Variants in TRAPPC10 observed in about 807,000 individuals in gnomAD.
TRAPPC10 encodes TRAPP 130 kDa subunit.
A neutral mutation model predicts 125.5 loss-of-function variants in TRAPPC10; 23 were observed. The ratio of observed to expected loss-of-function variants is 0.18; its 90% CI spans 0.13 to 0.26. The LOEUF is 0.26. Among genes scored for constraint, TRAPPC10 ranks in the 10% least tolerant of loss-of-function variants. TRAPPC10 has a pLI of 1.00. For synonymous variants in TRAPPC10, 509 were observed against 518.0 expected (o/e 0.98, Z 0.24); for missense variants, 1,123 against 1,308.4 (o/e 0.86, Z 2.19).
intron 1 of TRAPPC10, 45 bp from the exon 2 acceptor site, chr21:44,032,046 T>C (rs779139205): frequency 9.2e-6 from 14 of 1,519,016 alleles, no homozygotes; most frequent in Non-Finnish European, 1.3e-5. Flanking sequence ...TTTGCATGTA[T>C]TCACCTAAAA....
At chr21:44,039,495 A>G (rs1227109033) in intron 3 of TRAPPC10, among the ~76,000 whole-genome samples, 1 of 152,184 alleles carries the variant, frequency 6.6e-6, no homozygotes, top group Non-Finnish European at 1.5e-5. Context: ...CTCTGGCAGC[A>G]GGCGTGCTTG....
At chr21:44,093,133 C>G (rs920093151) in intron 19 of TRAPPC10, among the ~76,000 whole-genome samples, 1 of 152,184 alleles carries the variant, frequency 6.6e-6, no homozygotes, top group Non-Finnish European at 1.5e-5. Flanking sequence ...ATATATTCCC[C>G]TGTTTTGGAG....
Position 44,082,062 on chromosome 21 carries a change from A to G in TRAPPC10, c.1724-726A>G, listed in dbSNP as rs1037585620. Among the ~76,000 whole-genome samples, 7 of 152,220 alleles carry G rather than the reference A, an allele frequency of 4.6e-5. No individual in the cohort carries two copies. Among genetic ancestry groups the G allele is most frequent in the Non-Finnish European group, 7.3e-5 (5 of 68,036 alleles). On this transcript the variant is annotated intron_variant, in intron 13 of 22. Transcript: ENST00000291574. The surrounding 1 kb of genome is among the most constrained non-coding windows in gnomAD (Gnocchi z 4.4). ...CCTGCCAACGTTCCTTGGTATCTCT[A>G]TACGAATAAAATATTCCACAATCGT...
Position 44,037,780 on chromosome 21 carries a change from A to C in TRAPPC10, c.150-12A>C. 1 of 1,607,562 alleles carries C rather than the reference A, an allele frequency of 6.2e-7. No homozygotes were observed. Among genetic ancestry groups the C allele is most frequent in the Non-Finnish European group, 8.5e-7 (1 of 1,177,152 alleles). On this transcript the variant is annotated splice_polypyrimidine_tract_variant and intron_variant, in intron 2 of 22. Coordinates refer to ENST00000291574, the MANE Select transcript of TRAPPC10 (RefSeq NM_003274.5). Reference sequence around the variant, plus strand: ...AGTTGTTTTCTCAGTGACTTCAAACAATTGTTTACAGGTCCTATGGCCGGG... The same window carrying C: ...AGTTGTTTTCTCAGTGACTTCAAACCATTGTTTACAGGTCCTATGGCCGGG...
At chr21:44,019,217 T>C (rs1214683326) in intron 1 of TRAPPC10, among the ~76,000 whole-genome samples, 1 of 152,026 alleles carries the variant, frequency 6.6e-6, no homozygotes, top group East Asian at 1.9e-4. Flanking sequence ...CCCAGTTAAT[T>C]TTTTGTATTT....
rs140852916 is a variant in TRAPPC10, at chr21:44,049,160, C to G, written c.286-3120C>G. Among the ~76,000 whole-genome samples, 369 of 152,190 alleles carry G rather than the reference C, an allele frequency of 2.4e-3. 2 individuals carry two copies. The highest frequency in any genetic ancestry group is 7.9e-3 in the African/African-American group (329 of 41,502). On this transcript the variant is annotated intron_variant, in intron 3 of 22. Transcript: ENST00000291574. ...TCTCAGTGGGCATGGCTAGAGAACA[C>G]GTGTGTACACCCACACGTGTACGTG...
intron 7 of TRAPPC10, 151 bp from the exon 8 acceptor site, chr21:44,074,173 C>G: frequency 1.2e-6 from 1 of 852,582 alleles, no homozygotes; most frequent in Non-Finnish European, 1.8e-6. Context: ...CCCTTTCTCT[C>G]TCCTGTAGCT....
At position 44,087,929 on chromosome 21, in the gene TRAPPC10, G is replaced by A. The variant is rs1486886041; in HGVS notation, c.2769+1G>A. ...CTGCATGGTTACCACAGACCACAAA[G>A]TGAGTAGGGACAGTGGAGGAGCTTA... On this transcript the variant is annotated splice_donor_variant, in intron 17 of 22. Transcript: ENST00000291574. LOFTEE classifies it high-confidence loss of function. The surrounding 1 kb of genome is among the most constrained non-coding windows in gnomAD (Gnocchi z 4.6). The A allele has an allele frequency of 6.2e-7, 1 of 1,612,120 alleles. No homozygotes were observed.
rs60633801 is a variant in TRAPPC10, at chr21:44,060,915, T to TACATACATACACACAC, written c.790+1704_790+1705insTACATACACACACACA. ...CATGCCCAGCCTATACATACATACA[T>TACATACATACACACAC]ACACACACACACACACACACACACA... On this transcript the variant is annotated intron_variant, in intron 6 of 22. Transcript: ENST00000291574. Among the ~76,000 whole-genome samples, 6 of 132,260 alleles carry TACATACATACACACAC rather than the reference T, an allele frequency of 4.5e-5. No individual in the cohort carries two copies. In the South Asian group the frequency reaches 1.0e-3, roughly 22 times the overall value. 86.8% of individuals were successfully genotyped at this position (132,260 alleles called of 152,430 possible).
intron 2 of TRAPPC10, among the ~76,000 whole-genome samples, chr21:44,036,145 A>C (rs933875782): frequency 1.3e-5 from 2 of 152,224 alleles, no homozygotes; most frequent in Non-Finnish European, 2.9e-5. Context: ...GCAGGAGCCT[A>C]GTGAATGTCA....
intron 5 of TRAPPC10, among the ~76,000 whole-genome samples, chr21:44,058,511 G>T (rs2035782031): frequency 6.6e-6 from 1 of 152,230 alleles, no homozygotes; most frequent in South Asian, 2.1e-4. Flanking sequence ...GAAGACCGTG[G>T]GTGGAGCACT....
chr21:44,091,020 G>A (rs1384742357), intron 18 of TRAPPC10, among the ~76,000 whole-genome samples: 8 of 151,704 alleles, frequency 5.3e-5, no homozygotes, highest in South Asian at 2.1e-4. Context: ...GTGAAACCCC[G>A]TCTCTACTAA....
intron 20 of TRAPPC10, among the ~76,000 whole-genome samples, chr21:44,095,424 G>A (rs1397132313): frequency 6.6e-6 from 1 of 150,780 alleles, no homozygotes; most frequent in African/African-American, 2.4e-5. Flanking sequence ...TTTTTGTAGA[G>A]GCGGTGTTTC....
rs2035859480 is a variant in TRAPPC10, at chr21:44,059,301, C to T, written c.790+87C>T. ...AGGCTTGAAGCAGCCATTTATTTAC[C>T]TCAGGAGTACGCATGTTTTGTTGTT... On this transcript the variant is annotated intron_variant, in intron 6 of 22. Coordinates refer to ENST00000291574, the MANE Select transcript of TRAPPC10 (RefSeq NM_003274.5). This position sits in a 1 kb window ranked among gnomAD's most constrained non-coding sequence, Gnocchi z 4.4. 1.1e-6 allele frequency: 1 copy of T among 878,376 alleles called. No individual in the cohort carries two copies. The highest frequency in any genetic ancestry group is 2.6e-5 in the East Asian group (1 of 38,232). 54.4% of individuals were successfully genotyped at this position (878,376 alleles called of 1,614,324 possible).
chr21:44,087,737 G>A lies in TRAPPC10; in HGVS notation c.2578G>A (p.Asp860Asn), dbSNP rs145010758. 45 of 1,614,008 alleles carry A rather than the reference G, an allele frequency of 2.8e-5. No homozygotes were observed. Among genetic ancestry groups the A allele is most frequent in the African/African-American group, 1.3e-4 (10 of 74,940 alleles). The change falls in exon 17 of 23, where the codon GAC (aspartate) becomes AAC (asparagine). Residue 860 changes from aspartate to asparagine, a missense_variant. This residue lies in a region of TRAPPC10 where 840 missense variants were observed against 902.0 expected (regional missense o/e 0.93). Coordinates refer to ENST00000291574, the MANE Select transcript of TRAPPC10 (RefSeq NM_003274.5). This position sits in a 1 kb window ranked among gnomAD's most constrained non-coding sequence, Gnocchi z 4.6. ...SEAALRIQSS[D>N]KVTSISLPVA... ...GGCCGCGCTCCGGATTCAGTCCTCCGACAAGGTCACGAGCATCAGTCTGCC... is the reference window on the plus strand; with the variant it reads ...GGCCGCGCTCCGGATTCAGTCCTCCAACAAGGTCACGAGCATCAGTCTGCC...
At chr21:44,040,252 A>G (rs1377637115) in intron 3 of TRAPPC10, among the ~76,000 whole-genome samples, 3 of 152,186 alleles carry the variant, frequency 2.0e-5, no homozygotes, top group African/African-American at 7.2e-5. Context: ...TCACGTTGAG[A>G]CATACTCAAG....
In TRAPPC10 at chr21:44,059,271, C is replaced by T. The variant is rs544615685; in HGVS notation, c.790+57C>T. On this transcript the variant is annotated intron_variant, in intron 6 of 22. Coordinates refer to ENST00000291574, the MANE Select transcript of TRAPPC10 (RefSeq NM_003274.5). The surrounding 1 kb of genome is among the most constrained non-coding windows in gnomAD (Gnocchi z 4.4). ...TTCTTAGTGTGGCTTTCTCCAACTT[C>T]AGATAGGCTTGAAGCAGCCATTTAT... 3.3e-5 allele frequency: 44 copies of T among 1,322,422 alleles called. No homozygotes were observed. The African/African-American group carries it at 4.6e-4, about 14-fold the overall frequency. The allele number at this position is 1,322,422 out of a possible 1,614,324, so 81.9% of individuals were successfully genotyped here.
chr21:44,070,697 C>T (rs1047444747), intron 7 of TRAPPC10, among the ~76,000 whole-genome samples: 28 of 152,240 alleles, frequency 1.8e-4, no homozygotes, highest in African/African-American at 6.8e-4. Flanking sequence ...TTGCTCTTTT[C>T]CAGAGTTTGT....
intron 3 of TRAPPC10, among the ~76,000 whole-genome samples, chr21:44,048,797 G>GTTTT (rs34892092): frequency 2.2e-4 from 23 of 105,586 alleles, no homozygotes; most frequent in African/African-American, 3.6e-4. Flanking sequence ...CCCACCCTGT[G>GTTTT]TTTTTTTTTT....
Sources: gnomAD v4.1 joint callset for allele counts (sites outside exome capture counted in the v4.1 genomes callset) on GRCh38, gnomAD v4.1.1 for gene constraint, gnomAD v4.1.1 regional missense constraint, Gnocchi (gnomAD v3.1) non-coding constraint, MANE v1.5 for transcripts, NCBI Gene and HGNC (gene_info 2026-07-23, HGNC 2026-07-21) for gene names.